The following EP400 variants were observed in gnomAD, a reference collection of about 807,000 sequenced individuals.
The protein encoded by EP400 is E1A-binding protein p400.
In EP400, 105 loss-of-function variants were observed where a neutral mutation model predicts 354.1. The observed-to-expected ratio is 0.30, with a 90% CI of 0.25 to 0.35. The LOEUF is 0.35. Among genes scored for constraint, EP400 ranks in the 10% least tolerant of loss-of-function variants. The probability of loss-of-function intolerance (pLI) is 1.00; values close to 1 mark genes in which losing one functional copy is unlikely to be tolerated. For synonymous variants in EP400, 1,646 were observed against 1,716.9 expected (o/e 0.96, Z 1.02); for missense variants, 3,280 against 4,121.0 (o/e 0.80, Z 5.59).
intron 31 of EP400, 45 bp downstream of exon 31, chr12:132,037,838 G>A (rs776244510): frequency 7.6e-5 from 122 of 1,612,428 alleles, no homozygotes; most frequent in East Asian, 1.6e-4. Flanking sequence ...CCCGCCATGC[G>A]GCGCGTGGAA....
intron 2 of EP400, among the ~76,000 whole-genome samples, chr12:131,976,456 G>A (rs143494974): frequency 1.3e-5 from 2 of 152,206 alleles, no homozygotes; most frequent in South Asian, 4.1e-4. Context: ...GCTCACGCCT[G>A]TAATGCCAGC....
chr12:131,966,144 C>T (rs1263203502), intron 2 of EP400, among the ~76,000 whole-genome samples: 1 of 152,042 alleles, frequency 6.6e-6, no homozygotes, highest in African/African-American at 2.4e-5. Context: ...AATCCCAGCA[C>T]TTTGGGATGC....
At chr12:132,035,136 G>T (rs1894651108) in intron 30 of EP400, among the ~76,000 whole-genome samples, 1 of 152,152 alleles carries the variant, frequency 6.6e-6, no homozygotes. Context: ...AGTGTGAGAG[G>T]CCGCTCCAGC....
chr12:131,996,293 C>G (rs940508598), intron 12 of EP400, among the ~76,000 whole-genome samples: 7 of 123,398 alleles, frequency 5.7e-5, no homozygotes, highest in Admixed American at 5.3e-4. Context: ...CAGGAAGGAA[C>G]TCTTTTTTTT....
chr12:131,986,655 C>T lies in EP400; in HGVS notation c.2071C>T (p.Pro691Ser), dbSNP rs1470703826. 3 of 1,614,122 alleles carry T rather than the reference C, an allele frequency of 1.9e-6. No homozygotes were observed. The highest frequency in any genetic ancestry group is 4.5e-5 in the East Asian group (2 of 44,880). The stretch of plus-strand genomic sequence containing the variant: ...TGCTCGATCCTCTCCAGTAAATAGA[C>T]CTTCCTCAGCCACCAATAAGGCACT... ...SPARSSPVNR[P>S]SSATNKALSP... Residue 691 changes from proline (P) to serine (S), a missense_variant, in exon 6 of 53, where the codon CCT becomes TCT. This residue lies in a region of EP400 where 800 missense variants were observed against 840.0 expected (regional missense o/e 0.95). Transcript: ENST00000389561.
intron 11 of EP400, among the ~76,000 whole-genome samples, chr12:131,992,469 C>G (rs1951023118): frequency 6.6e-6 from 1 of 152,222 alleles, no homozygotes; most frequent in Admixed American, 6.5e-5. Context: ...TTGGGTGCAT[C>G]TTGGAGAGTG....
In EP400 at chr12:132,017,217, C is replaced by G. The variant is rs1051836722; in HGVS notation, c.3924-318C>G. On this transcript the variant is annotated intron_variant, in intron 19 of 52. Coordinates refer to ENST00000389561, the MANE Select transcript of EP400 (RefSeq NM_015409.5). This position sits in a 1 kb window ranked among gnomAD's most constrained non-coding sequence, Gnocchi z 5.0. ...GCTTTACTCTGCTGCGCTCACCCTG[C>G]CCCTCACTTTGCTCATCCCCCTTGG... 6.6e-6 allele frequency among the ~76,000 whole-genome samples: 1 copy of G among 152,240 alleles called. No individual in the cohort carries two copies. The highest frequency in any genetic ancestry group is 1.5e-5 in the Non-Finnish European group (1 of 68,050).
intron 1 of EP400, among the ~76,000 whole-genome samples, chr12:131,959,255 A>G (rs1343884349): frequency 6.6e-6 from 1 of 152,232 alleles, no homozygotes; most frequent in Non-Finnish European, 1.5e-5. Flanking sequence ...GATGTGGGAC[A>G]GTGTCCAACC....
intron 35 of EP400, 68 bp downstream of exon 35, chr12:132,044,379 G>A: frequency 6.4e-7 from 1 of 1,556,028 alleles, no homozygotes; most frequent in Non-Finnish European, 8.7e-7. Flanking sequence ...GCCATGTTTG[G>A]CTTGTTCAAA....
chr12:132,025,407 G>A lies in EP400; in HGVS notation c.4856-239G>A, dbSNP rs1329702666. Among the ~76,000 whole-genome samples the A allele has an allele frequency of 3.3e-5, 5 of 152,234 alleles. No individual in the cohort carries two copies. Among genetic ancestry groups the A allele is most frequent in the African/African-American group, 7.2e-5 (3 of 41,460 alleles). On this transcript the variant is annotated intron_variant, in intron 24 of 52. Transcript: ENST00000389561. This position sits in a 1 kb window ranked among gnomAD's most constrained non-coding sequence, Gnocchi z 4.1. ...TGTCACCCACCTTCCATGAGGGACA[G>A]AGGGTAGATGGCCTTTTCTTGACAT... is the stretch of plus-strand genomic sequence containing the variant.
In EP400 at chr12:132,038,201, C is replaced by A; in HGVS notation, c.6207+105C>A. ...GTGCTCAGTCCCCACTCTTCCCTGG[C>A]CTGAAGCCCTCTTCCCGTCCCTGCT... On this transcript the variant is annotated intron_variant, in intron 32 of 52. Transcript: ENST00000389561. This position sits in a 1 kb window ranked among gnomAD's most constrained non-coding sequence, Gnocchi z 4.2. The A allele has an allele frequency of 7.0e-7, 1 of 1,429,512 alleles. No homozygotes were observed. The highest frequency in any genetic ancestry group is 9.5e-7 in the Non-Finnish European group (1 of 1,050,402). 88.6% of individuals were successfully genotyped at this position (1,429,512 alleles called of 1,614,324 possible).
intron 5 of EP400, among the ~76,000 whole-genome samples, chr12:131,984,040 A>G (rs542561835): frequency 3.8e-4 from 58 of 152,058 alleles, no homozygotes; most frequent in African/African-American, 1.4e-3. Flanking sequence ...AGCTGGGATT[A>G]TAGGCATGTT....
intron 32 of EP400, among the ~76,000 whole-genome samples, chr12:132,041,660 T>C (rs1894914392): frequency 6.6e-6 from 1 of 152,206 alleles, no homozygotes. Context: ...GTATGTGCAA[T>C]TCAGGCTGCT....
intron 45 of EP400, among the ~76,000 whole-genome samples, chr12:132,058,074 A>G (rs906304099): frequency 6.6e-6 from 1 of 152,136 alleles, no homozygotes; most frequent in Admixed American, 6.5e-5. Flanking sequence ...TTCAGGAGAA[A>G]GTGATGTTGG....
chr12:132,019,154 C>T (rs970332633), intron 21 of EP400, among the ~76,000 whole-genome samples: 1 of 152,170 alleles, frequency 6.6e-6, no homozygotes, highest in African/African-American at 2.4e-5. Flanking sequence ...ATGAACAGCA[C>T]CCATTCCAGT....
intron 23 of EP400, 52 bp downstream of exon 23, chr12:132,021,373 T>C: frequency 6.9e-7 from 1 of 1,458,530 alleles, no homozygotes; most frequent in Non-Finnish European, 9.0e-7. Flanking sequence ...CCCAGAGGAG[T>C]TGTGTTAAGA....
At position 132,018,505 on chromosome 12, in the gene EP400, G is replaced by A. The variant is rs1317493943; in HGVS notation, c.4277+129G>A. On this transcript the variant is annotated intron_variant, in intron 21 of 52. Coordinates refer to ENST00000389561, the MANE Select transcript of EP400 (RefSeq NM_015409.5). This position sits in a 1 kb window ranked among gnomAD's most constrained non-coding sequence, Gnocchi z 4.0. ...TATCTGCTGCTCTTGGGACCTTGCT[G>A]GTGTCCTTGGCTGTGGTATGCCTGG... 7.6e-7 allele frequency: 1 copy of A among 1,321,128 alleles called. No homozygotes were observed. 81.8% of individuals were successfully genotyped at this position (1,321,128 alleles called of 1,614,324 possible). A position where few individuals can be genotyped will look rare whatever the true frequency, so the allele number is the denominator to read the frequency against.
intron 16 of EP400, 86 bp downstream of exon 16, chr12:132,011,720 G>A: frequency 7.1e-7 from 1 of 1,417,038 alleles, no homozygotes; most frequent in East Asian, 2.4e-5. Context: ...GTGAAGACAT[G>A]CTTATTCATG....
rs752148703 is a variant in EP400, at chr12:132,006,200, C to T, written c.3024C>T (p.Ala1008=). 13 of 1,614,104 alleles carry T rather than the reference C, an allele frequency of 8.1e-6. No homozygotes were observed. Among genetic ancestry groups the T allele is most frequent in the Admixed American group, 3.3e-5 (2 of 60,012 alleles). ...SLFIMDQFKA[A]ERMNIGKPNA... ...TCATCATGGATCAGTTCAAAGCTGC[C>T]GAGAGGATGAATATCGGGAAGCCAA... The change falls in exon 14 of 53, where the codon GCC becomes GCT. Residue 1008 remains alanine, a synonymous_variant. Transcript: ENST00000389561.
Sources: gnomAD v4.1 joint callset for allele counts (sites outside exome capture counted in the v4.1 genomes callset) on GRCh38, gnomAD v4.1.1 for gene constraint, gnomAD v4.1.1 regional missense constraint, Gnocchi (gnomAD v3.1) non-coding constraint, MANE v1.5 for transcripts, NCBI Gene and HGNC (gene_info 2026-07-23, HGNC 2026-07-21) for gene names.